Variants in ZNF331 observed in about 807,000 individuals in gnomAD.
ZNF331 encodes C2H2-like zinc finger protein rearranged in thyroid adenomas.
A neutral mutation model predicts 7.0 loss-of-function variants in ZNF331; 2 were observed. The observed-to-expected ratio is 0.29, with a 90% CI of 0.12 to 0.90. The LOEUF is 0.90. Ranked by LOEUF, ZNF331 falls within the 40% of genes least tolerant of loss-of-function variation. The probability of loss-of-function intolerance (pLI) is 0.58; values close to 1 mark genes in which losing one functional copy is unlikely to be tolerated. For synonymous variants in ZNF331, 196 were observed against 205.4 expected (o/e 0.95, Z 0.39); for missense variants, 432 against 587.7 (o/e 0.74, Z 2.74).
At position 53,577,792 on chromosome 19, in the gene ZNF331, A is replaced by T. The variant is rs943202610; in HGVS notation, c.1232A>T (p.Tyr411Phe). ...HERIHTGVKP[Y>F]GCTECGKSFS... ...AGAATTCATACCGGGGTGAAACCCTATGGGTGTACAGAATGTGGGAAGAGC... is the reference window on the plus strand; with the variant it reads ...AGAATTCATACCGGGGTGAAACCCTTTGGGTGTACAGAATGTGGGAAGAGC... Residue 411 changes from tyrosine to phenylalanine, a missense_variant, in exon 6 of 6, where the codon TAT (tyrosine) becomes TTT (phenylalanine). This residue lies in a region of ZNF331 where 312 missense variants were observed against 448.6 expected (regional missense o/e 0.70). Transcript: ENST00000449416. 1 of 1,614,128 alleles carries T rather than the reference A, an allele frequency of 6.2e-7. No homozygotes were observed. Among genetic ancestry groups the T allele is most frequent in the Non-Finnish European group, 8.5e-7 (1 of 1,180,016 alleles).
intron 2 of ZNF331, among the ~76,000 whole-genome samples, chr19:53,531,316 T>TG (rs2087530455): frequency 6.6e-6 from 1 of 152,170 alleles, no homozygotes; most frequent in Admixed American, 6.5e-5. Context: ...CAAAGAGGTG[T>TG]TGGGGGTTCA....
chr19:53,549,010 G>C (rs561539970), intron 2 of ZNF331, among the ~76,000 whole-genome samples: 10 of 151,902 alleles, frequency 6.6e-5, no homozygotes, highest in African/African-American at 2.4e-4. Context: ...CACCACACCT[G>C]GCTAATTTTT....
chr19:53,508,685 C>T, the ZNF331 span, among the ~76,000 whole-genome samples: 6 of 152,266 alleles, frequency 3.9e-5, no homozygotes, highest in African/African-American at 1.4e-4. Flanking sequence ...CCATTCCAGG[C>T]ACAATATGTC....
Position 53,578,772 on chromosome 19 carries a change from G to C in ZNF331, c.*820G>C, listed in dbSNP as rs1055991612. On this transcript the variant is annotated 3_prime_UTR_variant, in exon 6 of 6. Transcript: ENST00000449416. ...AGGAAAATTCCTGGTACAGTTTAAC[G>C]TAAGGCTTCACTGATCACTGTTGTT... 2 of 205,022 alleles carry C rather than the reference G, an allele frequency of 9.8e-6. No homozygotes were observed. The highest frequency in any genetic ancestry group is 4.6e-5 in the African/African-American group (2 of 43,644). The allele number at this position is 205,022 out of a possible 1,614,324, so 12.7% of individuals were successfully genotyped here.
intron 2 of ZNF331, among the ~76,000 whole-genome samples, chr19:53,531,451 A>G (rs764826097): frequency 6.6e-6 from 1 of 152,220 alleles, no homozygotes; most frequent in Non-Finnish European, 1.5e-5. Flanking sequence ...ATCTGATGAT[A>G]TAGAAAAATA....
At chr19:53,559,878 TACAC>T (rs533530335) in intron 3 of ZNF331, among the ~76,000 whole-genome samples, 1 of 149,468 alleles carries the variant, frequency 6.7e-6, no homozygotes, top group African/African-American at 2.5e-5. Context: ...CACGAGCATA[TACAC>T]ACACATGCCA....
intron 3 of ZNF331, among the ~76,000 whole-genome samples, chr19:53,561,543 G>A (rs191142458): frequency 2.3e-3 from 354 of 152,228 alleles, no homozygotes; most frequent in Non-Finnish European, 3.5e-3. Context: ...GACTACTCCA[G>A]AGACTCTTTA....
At chr19:53,506,418 C>CTCTCTCTCTCTGTCTCTCTG in the ZNF331 span, among the ~76,000 whole-genome samples, 1 of 65,674 alleles carries the variant, frequency 1.5e-5, no homozygotes, top group African/African-American at 7.0e-5. Flanking sequence ...TCTCCTCTCT[C>CTCTCTCTCTCTGTCTCTCTG]TCTCTCTCTC....
At chr19:53,540,188 A>T (rs2088046221) in intron 2 of ZNF331, among the ~76,000 whole-genome samples, 1 of 152,182 alleles carries the variant, frequency 6.6e-6, no homozygotes, top group Admixed American at 6.5e-5. Flanking sequence ...ATTTATTCTT[A>T]CCTTAGTCTG....
intron 2 of ZNF331, among the ~76,000 whole-genome samples, chr19:53,551,794 A>T: frequency 6.6e-6 from 1 of 152,220 alleles, no homozygotes; most frequent in East Asian, 1.9e-4. Context: ...TAAAGAATCT[A>T]GAATCTAAAA....
At chr19:53,513,649 T>A in the ZNF331 span, among the ~76,000 whole-genome samples, 732 of 151,042 alleles carry the variant, frequency 4.8e-3, no homozygotes, top group African/African-American at 0.017. Flanking sequence ...TTTACTTTTT[T>A]TCGTTGTTGT....
chr19:53,504,069 G>A, the ZNF331 span: 2 of 406,710 alleles, frequency 4.9e-6, no homozygotes, highest in Non-Finnish European at 9.3e-6. Flanking sequence ...CCTCCCCTGA[G>A]TCCGGAGCTA....
upstream of ZNF331, among the ~76,000 whole-genome samples, chr19:53,516,841 T>A (rs1157878590): frequency 2.6e-5 from 4 of 152,208 alleles, no homozygotes; most frequent in Non-Finnish European, 5.9e-5. Context: ...ATTTAAAAAT[T>A]AAAAAACAGG....
upstream of ZNF331, among the ~76,000 whole-genome samples, chr19:53,517,860 G>A (rs1228310615): frequency 6.6e-6 from 1 of 152,062 alleles, no homozygotes; most frequent in African/African-American, 2.4e-5. Flanking sequence ...GTCCACACAC[G>A]TTTGTATCTT....
intron 3 of ZNF331, among the ~76,000 whole-genome samples, chr19:53,568,949 C>A (rs534229082): frequency 4.0e-5 from 6 of 150,100 alleles, no homozygotes; most frequent in Non-Finnish European, 7.4e-5. Flanking sequence ...CTCCGCCTCC[C>A]GGGTTCAAGC....
chr19:53,524,481 T>C (rs1030994448), intron 2 of ZNF331, among the ~76,000 whole-genome samples: 2 of 152,222 alleles, frequency 1.3e-5, no homozygotes, highest in Non-Finnish European at 2.9e-5. Flanking sequence ...TGGTATCTCA[T>C]TGTGGTTTTG....
chr19:53,571,665 A>T lies in ZNF331; in HGVS notation c.71A>T (p.Asn24Ile). The change falls in exon 5 of 6, where the codon AAC becomes ATC. Residue 24 changes from asparagine (N) to isoleucine (I), a missense_variant. By Grantham distance (149) the Asn-to-Ile change is moderately radical. Coordinates refer to ENST00000449416, the MANE Select transcript of ZNF331 (RefSeq NM_001079906.2). This position sits in a 1 kb window ranked among gnomAD's most constrained non-coding sequence, Gnocchi z 4.7. ...DFSQEEWACL[N>I]SAQRDLYWDV... The stretch of plus-strand genomic sequence containing the variant: ...TCTCAGGAGGAGTGGGCCTGTCTGA[A>T]CTCTGCTCAGAGGGACCTGTACTGG... 6.2e-7 allele frequency: 1 copy of T among 1,613,712 alleles called. No homozygotes were observed. The highest frequency in any genetic ancestry group is 8.5e-7 in the Non-Finnish European group (1 of 1,179,898).
In ZNF331 at chr19:53,571,708, C is replaced by G; in HGVS notation, c.114C>G (p.Asn38Lys). 6.2e-7 allele frequency: 1 copy of G among 1,613,328 alleles called. No homozygotes were observed. The highest frequency in any genetic ancestry group is 8.5e-7 in the Non-Finnish European group (1 of 1,179,610). Residue 38 changes from asparagine to lysine, a missense_variant, in exon 5 of 6, where the codon AAC becomes AAG. Asn to Lys is a moderately conservative substitution (Grantham distance 94, BLOSUM62 0). Transcript: ENST00000449416. This position sits in a 1 kb window ranked among gnomAD's most constrained non-coding sequence, Gnocchi z 4.7. ...TGTACTGGGACGTGATGCTGGAGAA[C>G]TACAGTAACTTGGTCTCACTGGGTG... is the stretch of plus-strand genomic sequence containing the variant. ...RDLYWDVMLENYSNLVSLDLE... is the reference protein window; with the variant it reads ...RDLYWDVMLEKYSNLVSLDLE...
At chr19:53,534,240 A>G (rs1314196564), upstream of ZNF331, among the ~76,000 whole-genome samples, 3 of 151,844 alleles carry the variant, frequency 2.0e-5, no homozygotes, top group East Asian at 5.8e-4. Context: ...ATTCTCTTTC[A>G]TGGCCTTTCC....
Sources: allele counts gnomAD v4.1 joint callset (sites outside exome capture counted in the v4.1 genomes callset), GRCh38; gene constraint gnomAD v4.1.1; regional missense constraint gnomAD v4.1.1; non-coding constraint Gnocchi (gnomAD v3.1); transcripts MANE v1.5; gene names NCBI Gene and HGNC (gene_info 2026-07-23, HGNC 2026-07-21).